ARAP2: variants seen among roughly 807,000 people sequenced by gnomAD.
ARAP2 encodes ArfGAP with RhoGAP domain, ankyrin repeat and PH domain 2, also known as arf-GAP with Rho-GAP domain, ANK repeat and PH domain-containing protein 2.
A neutral mutation model predicts 194.5 loss-of-function variants in ARAP2; 148 were observed. That is an observed-to-expected ratio of 0.76 (90% confidence interval 0.67 to 0.87). ARAP2 has a LOEUF of 0.87. ARAP2 is among the 40% of genes least tolerant of loss of function. ARAP2 has a pLI of 0.00. For synonymous variants in ARAP2, 695 were observed against 683.5 expected (o/e 1.02, Z -0.26); for missense variants, 2,128 against 1,989.7 (o/e 1.07, Z -1.32).
intron 5 of ARAP2, among the ~76,000 whole-genome samples, chr4:36,043,103 A>C (rs916263899): frequency 1.3e-5 from 2 of 152,124 alleles, no homozygotes; most frequent in Non-Finnish European, 2.9e-5. Flanking sequence ...TTGGCCTCCC[A>C]AAGTGCTGGG....
chr4:36,211,470 A>C (rs1325962699), intron 5 of ARAP2, among the ~76,000 whole-genome samples: 1 of 152,180 alleles, frequency 6.6e-6, no homozygotes, highest in Non-Finnish European at 1.5e-5. Flanking sequence ...TAATCAATGA[A>C]ACAGATATGC....
At chr4:36,098,352 T>A (rs1302426581) in intron 27 of ARAP2, among the ~76,000 whole-genome samples, 1 of 152,094 alleles carries the variant, frequency 6.6e-6, no homozygotes, top group Non-Finnish European at 1.5e-5. Context: ...CACTTCCTTT[T>A]CTCTCTAATC....
chr4:36,029,544 T>C (rs1718559977), intron 5 of ARAP2, among the ~76,000 whole-genome samples: 1 of 152,150 alleles, frequency 6.6e-6, no homozygotes, highest in African/African-American at 2.4e-5. Flanking sequence ...GAATTATATT[T>C]TGGTTGGAAG....
intron 5 of ARAP2, among the ~76,000 whole-genome samples, chr4:36,025,890 G>A (rs1208178099): frequency 2.6e-5 from 4 of 151,952 alleles, no homozygotes; most frequent in Non-Finnish European, 4.4e-5. Flanking sequence ...TGGAATGAAG[G>A]TGCCAGGATA....
intron 26 of ARAP2, among the ~76,000 whole-genome samples, chr4:36,112,014 T>A (rs1301500940): frequency 1.3e-5 from 2 of 152,020 alleles, no homozygotes; most frequent in Non-Finnish European, 1.5e-5. Context: ...ATCATCTTTC[T>A]AAGCACTAAA....
intron 24 of ARAP2, among the ~76,000 whole-genome samples, chr4:36,118,900 A>G (rs1236297793): frequency 6.6e-6 from 1 of 151,410 alleles, no homozygotes; most frequent in Non-Finnish European, 1.5e-5. Flanking sequence ...TTAGTTGTGG[A>G]TATTTCAGGA....
In ARAP2 at chr4:36,160,600, C is replaced by T; in HGVS notation, c.2301G>A (p.Trp767Ter). The T allele has an allele frequency of 6.7e-7, 1 of 1,496,292 alleles. No individual in the cohort carries two copies. The highest frequency in any genetic ancestry group is 8.8e-7 in the Non-Finnish European group (1 of 1,133,472). The allele number at this position is 1,496,292 out of a possible 1,614,324, so 92.7% of individuals were successfully genotyped here. A position where few individuals can be genotyped will look rare whatever the true frequency, so the allele number is the denominator to read the frequency against. The stretch of plus-strand genomic sequence containing the variant: ...CTTCATCCTTTTGAAGATTACCAGC[C>T]CAAAAGTCATTTGCTCTTTTGTTTC... ...VIGNKRANDF[W>*]AGNLQKDEEL... The change falls in exon 13 of 33, where the codon TGG (tryptophan) becomes TGA (stop). Residue 767 changes from tryptophan to a stop codon, truncating the protein, a stop_gained. Coordinates refer to ENST00000303965, the MANE Select transcript of ARAP2 (RefSeq NM_015230.4). LOFTEE classifies it high-confidence loss of function.
chr4:36,142,190 C>T (rs1390146346), intron 19 of ARAP2, among the ~76,000 whole-genome samples: 1 of 151,710 alleles, frequency 6.6e-6, no homozygotes, highest in Non-Finnish European at 1.5e-5. Flanking sequence ...CAACATCCCA[C>T]TACCACATGG....
intron 5 of ARAP2, among the ~76,000 whole-genome samples, chr4:36,036,119 T>C (rs1719879116): frequency 6.6e-6 from 1 of 152,132 alleles, no homozygotes; most frequent in Non-Finnish European, 1.5e-5. Flanking sequence ...TTTTCTGCCT[T>C]TTATGTTTCC....
rs772565955 is a variant in ARAP2 at position 36,136,783 on chromosome 4, ATGTGTGTGTGTGTGTG to A, written c.3264-3410_3264-3395del. Among the ~76,000 whole-genome samples, 85 of 143,904 alleles carry A rather than the reference ATGTGTGTGTGTGTGTG, an allele frequency of 5.9e-4. 1 individual carries two copies. The highest frequency in any genetic ancestry group is 9.5e-4 in the Non-Finnish European group (63 of 65,984). 94.4% of individuals were successfully genotyped at this position (143,904 alleles called of 152,430 possible). ...ACAAACCAGTCTAAGAATCAAATAT[ATGTGTGTGTGTGTGTG>A]TGTGTGTGTGTGTGTGTGTGCGTGT... On this transcript the variant is annotated intron_variant, in intron 19 of 32. Coordinates refer to ENST00000303965, the MANE Select transcript of ARAP2 (RefSeq NM_015230.4).
chr4:36,104,461 G>C (rs757151250), intron 27 of ARAP2, among the ~76,000 whole-genome samples: 44 of 151,888 alleles, frequency 2.9e-4, no homozygotes, highest in Non-Finnish European at 6.0e-4. Flanking sequence ...GTAGGTAGTC[G>C]TTGTGATTGA....
Position 36,021,903 on chromosome 4 carries a change from G to A in ARAP2, n.608-2617C>T, listed in dbSNP as rs146128639. Among the ~76,000 whole-genome samples the A allele has an allele frequency of 3.3e-5, 5 of 152,242 alleles. No individual in the cohort carries two copies. The East Asian group carries it at 9.7e-4, about 29-fold the overall frequency. On this transcript the variant is annotated intron_variant and non_coding_transcript_variant, in intron 5 of 12. Coordinates refer to the ARAP2 transcript ENST00000503225. Reference sequence around the variant, plus strand: ...AAATGAGTCATTATACAGTTTTGTTGTGTGAACATCAGAGTACATTTAAAC... The same window carrying A: ...AAATGAGTCATTATACAGTTTTGTTATGTGAACATCAGAGTACATTTAAAC...
At chr4:36,048,124 G>A (rs942963418) in intron 3 of ARAP2, among the ~76,000 whole-genome samples, 1 of 152,100 alleles carries the variant, frequency 6.6e-6, no homozygotes, top group Non-Finnish European at 1.5e-5. Flanking sequence ...AAATGTATGA[G>A]GAATAATGCT....
intron 9 of ARAP2, among the ~76,000 whole-genome samples, chr4:36,173,699 C>A (rs1332726173): frequency 6.6e-6 from 1 of 151,966 alleles, no homozygotes; most frequent in Non-Finnish European, 1.5e-5. Flanking sequence ...GGAAAAAAAA[C>A]TCTTCTGTGA....
In ARAP2 at chr4:36,128,694, C is replaced by G. The variant is rs140391212; in HGVS notation, c.3479G>C (p.Ser1160Thr). 1 of 1,612,570 alleles carries G rather than the reference C, an allele frequency of 6.2e-7. No individual in the cohort carries two copies. The highest frequency in any genetic ancestry group is 1.1e-5 in the South Asian group (1 of 91,044). The change falls in exon 21 of 33, where the codon AGT becomes ACT. Residue 1160 changes from serine to threonine, a missense_variant. Coordinates refer to ENST00000303965, the MANE Select transcript of ARAP2 (RefSeq NM_015230.4). ...CTTTTTGAAACTCTCCAGGAGTTCA[C>G]TTATATGCAAAGGATCACCATTCTT... ...YQKNGDPLHI[S>T]ELLESFKKDA...
chr4:36,090,571 T>C (rs991616521), intron 28 of ARAP2, among the ~76,000 whole-genome samples: 8 of 152,112 alleles, frequency 5.3e-5, no homozygotes, highest in Non-Finnish European at 7.4e-5. Flanking sequence ...CATGGAACAG[T>C]ATGCATCCAT....
Position 36,066,980 on chromosome 4 carries a change from G to A in ARAP2, c.*927C>T, listed in dbSNP as rs963649399. ...ATCTAAAAATCAAACAAAACAACAGGACCCTGTGGTGATGAATTTTGTTCG... is the reference window on the plus strand; with the variant it reads ...ATCTAAAAATCAAACAAAACAACAGAACCCTGTGGTGATGAATTTTGTTCG... On this transcript the variant is annotated 3_prime_UTR_variant, in exon 33 of 33. Transcript: ENST00000303965. The A allele has an allele frequency of 6.6e-6, 1 of 152,036 alleles. No individual in the cohort carries two copies. The highest frequency in any genetic ancestry group is 1.9e-4 in the East Asian group (1 of 5,194). 9.4% of individuals were successfully genotyped at this position (152,036 alleles called of 1,614,324 possible). A position where few individuals can be genotyped will look rare whatever the true frequency, so the allele number is the denominator to read the frequency against.
At chr4:36,053,246 C>T (rs1722980107) in intron 2 of ARAP2, among the ~76,000 whole-genome samples, 1 of 151,908 alleles carries the variant, frequency 6.6e-6, no homozygotes, top group Admixed American at 6.6e-5. Flanking sequence ...CTTCGTGATC[C>T]ACCCGCCTTG....
Position 36,108,499 on chromosome 4 carries a change from C to A in ARAP2, c.4157-806G>T, listed in dbSNP as rs865801419. On this transcript the variant is annotated intron_variant, in intron 26 of 32. Coordinates refer to ENST00000303965, the MANE Select transcript of ARAP2 (RefSeq NM_015230.4). ...GTACTGAAGAGTCTATATTTAACTA[C>A]TAGTGGGAATATAAAAAACATGATG... Among the ~76,000 whole-genome samples the A allele has an allele frequency of 1.8e-4, 28 of 151,934 alleles. No individual in the cohort carries two copies. The Middle Eastern group carries it at 0.017, about 95-fold the overall frequency.
Sources: gnomAD v4.1 joint callset for allele counts (sites outside exome capture counted in the v4.1 genomes callset) on GRCh38, gnomAD v4.1.1 for gene constraint, MANE v1.5 for transcripts, NCBI Gene and HGNC (gene_info 2026-07-23, HGNC 2026-07-21) for gene names.